NEGR1: variants seen among roughly 807,000 people sequenced by gnomAD.
NEGR1 encodes the protein IgLON family member 4.
NEGR1 carries 10 observed loss-of-function variants against 40.9 expected under a neutral mutation model. The observed-to-expected ratio is 0.24, with a 90% CI of 0.15 to 0.42. The LOEUF (loss-of-function observed/expected upper bound fraction) is 0.42. Among genes scored for constraint, NEGR1 ranks in the 10% least tolerant of loss-of-function variants. The probability of loss-of-function intolerance (pLI) is 1.00; values close to 1 mark genes in which losing one functional copy is unlikely to be tolerated. For missense variants in NEGR1, 352 were observed against 438.9 expected (o/e 0.80, Z 1.77); for synonymous variants, 185 against 166.8 (o/e 1.11, Z -0.84).
At chr1:71,670,901 C>T (rs978596813) in intron 4 of NEGR1, among the ~76,000 whole-genome samples, 28 of 151,384 alleles carry the variant, frequency 1.8e-4, no homozygotes, top group African/African-American at 6.6e-4. Context: ...AACACACACA[C>T]ACACATACAC....
intron 4 of NEGR1, among the ~76,000 whole-genome samples, chr1:71,628,181 C>T (rs976982331): frequency 4.6e-5 from 7 of 151,942 alleles, no homozygotes; most frequent in Admixed American, 1.3e-4. Context: ...ACTCAGTGCT[C>T]GAGGTCAAGG....
intron 4 of NEGR1, among the ~76,000 whole-genome samples, chr1:71,673,758 A>G (rs1652516436): frequency 1.3e-5 from 2 of 151,768 alleles, no homozygotes; most frequent in African/African-American, 4.8e-5. Context: ...TATAGTAATT[A>G]CACAGAGCAG....
chr1:71,906,336 C>A (rs1648263), intron 2 of NEGR1, among the ~76,000 whole-genome samples: 46,507 of 151,708 alleles, frequency 0.31, 7,403 homozygotes, highest in East Asian at 0.61. Flanking sequence ...ATCACCAACT[C>A]AAGAGCTTAT....
chr1:71,767,986 T>G (rs1656190177), intron 3 of NEGR1, among the ~76,000 whole-genome samples: 5 of 152,216 alleles, frequency 3.3e-5, no homozygotes, highest in Admixed American at 3.3e-4. Flanking sequence ...AGCTGAGGCT[T>G]GGAAGCCTCT....
intron 3 of NEGR1, among the ~76,000 whole-genome samples, chr1:71,724,548 T>C (rs879362068): frequency 2.0e-5 from 3 of 152,196 alleles, no homozygotes; most frequent in Non-Finnish European, 4.4e-5. Context: ...TTGTTAGTTT[T>C]ATTTCATTGG....
chr1:71,407,434 G>T lies in NEGR1; in HGVS notation c.*12C>A. 3 of 1,610,462 alleles carry T rather than the reference G, an allele frequency of 1.9e-6. No homozygotes were observed. Among genetic ancestry groups the T allele is most frequent in the South Asian group, 1.1e-5 (1 of 90,790 alleles). On this transcript the variant is annotated 3_prime_UTR_variant, in exon 7 of 7. Coordinates refer to ENST00000357731, the MANE Select transcript of NEGR1 (RefSeq NM_173808.3). Reference sequence around the variant, plus strand: ...CAGAGAATCCTTAAAAGCCTTTTATGGGTCTTTGAATTTATTGTAGAATGG... The same window carrying T: ...CAGAGAATCCTTAAAAGCCTTTTATTGGTCTTTGAATTTATTGTAGAATGG...
chr1:71,957,620 A>C (rs1010531341), intron 1 of NEGR1, among the ~76,000 whole-genome samples: 9 of 152,162 alleles, frequency 5.9e-5, no homozygotes, highest in Admixed American at 1.3e-4. Flanking sequence ...TTGTGAGCAA[A>C]ATATTTCTGA....
chr1:72,184,444 G>T (rs551016327), intron 1 of NEGR1, among the ~76,000 whole-genome samples: 3 of 152,054 alleles, frequency 2.0e-5, no homozygotes, highest in South Asian at 2.1e-4. Flanking sequence ...AAAAAACAAA[G>T]AATAAGCTCC....
chr1:71,820,596 C>T (rs185434395), intron 2 of NEGR1, among the ~76,000 whole-genome samples: 14 of 151,994 alleles, frequency 9.2e-5, no homozygotes, highest in East Asian at 3.9e-4. Flanking sequence ...AATTAAGTTG[C>T]GGTTAGGGTC....
chr1:71,580,026 TATTCA>T (rs1434869275), intron 6 of NEGR1, among the ~76,000 whole-genome samples: 1 of 152,124 alleles, frequency 6.6e-6, no homozygotes, highest in Non-Finnish European at 1.5e-5. Context: ...ATTGCGGCAT[TATTCA>T]CAATAGCAAA....
intron 1 of NEGR1, among the ~76,000 whole-genome samples, chr1:72,080,538 T>C (rs1647951303): frequency 6.6e-6 from 1 of 152,126 alleles, no homozygotes; most frequent in Non-Finnish European, 1.5e-5. Context: ...ATTTAAATTT[T>C]CTAAAAGTAT....
intron 1 of NEGR1, among the ~76,000 whole-genome samples, chr1:72,251,761 A>G (rs1283875478): frequency 1.3e-5 from 2 of 152,158 alleles, no homozygotes; most frequent in East Asian, 1.9e-4. Context: ...GAACCCACAA[A>G]GGACTGATTG....
At chr1:71,799,277 G>A (rs999913628) in intron 2 of NEGR1, among the ~76,000 whole-genome samples, 2 of 152,098 alleles carry the variant, frequency 1.3e-5, no homozygotes, top group Admixed American at 6.6e-5. Flanking sequence ...TCCCACTTAT[G>A]AGGGAGACCA....
At chr1:71,930,482 T>G (rs1344857349) in intron 2 of NEGR1, among the ~76,000 whole-genome samples, 2 of 152,228 alleles carry the variant, frequency 1.3e-5, no homozygotes, top group African/African-American at 4.8e-5. Context: ...ACCTCACCTC[T>G]GACTGCATCC....
chr1:71,735,987 G>C (rs1356766186), intron 3 of NEGR1, among the ~76,000 whole-genome samples: 1 of 152,010 alleles, frequency 6.6e-6, no homozygotes, highest in Non-Finnish European at 1.5e-5. Context: ...TTAATGTTTA[G>C]ACAAAGAGAA....
intron 6 of NEGR1, chr1:71,484,732 A>G (rs930500891): frequency 1.3e-5 from 2 of 151,730 alleles, no homozygotes; most frequent in Non-Finnish European, 2.9e-5. Flanking sequence ...GGCTGAGCAA[A>G]TGCATATAAG....
intron 1 of NEGR1, among the ~76,000 whole-genome samples, chr1:71,997,721 T>C (rs758187734): frequency 7.2e-5 from 11 of 152,006 alleles, no homozygotes; most frequent in Non-Finnish European, 1.3e-4. Flanking sequence ...TCCAAATTCA[T>C]ATTTTAATAA....
In NEGR1 at chr1:71,497,807, A is replaced by G. The variant is rs184281715; in HGVS notation, c.941-90237T>C. Among the ~76,000 whole-genome samples the G allele has an allele frequency of 1.4e-3, 212 of 152,206 alleles. 1 individual carries two copies. Among genetic ancestry groups the G allele is most frequent in the African/African-American group, 5.0e-3 (209 of 41,558 alleles). ...TATTTCAGGTAAAATAAAACCTAACACTTGTGTTTTCTGATTAGAACTTCC... is the reference window on the plus strand; with the variant it reads ...TATTTCAGGTAAAATAAAACCTAACGCTTGTGTTTTCTGATTAGAACTTCC... On this transcript the variant is annotated intron_variant, in intron 6 of 6. Transcript: ENST00000357731.
At chr1:71,780,276 AGTACTTAT>A (rs1656664849) in intron 2 of NEGR1, among the ~76,000 whole-genome samples, 1 of 152,208 alleles carries the variant, frequency 6.6e-6, no homozygotes, top group Non-Finnish European at 1.5e-5. Flanking sequence ...ATGTACTTTA[AGTACTTAT>A]GACCTAGGGC....
Sources: allele counts gnomAD v4.1 joint callset (sites outside exome capture counted in the v4.1 genomes callset), GRCh38; gene constraint gnomAD v4.1.1; transcripts MANE v1.5; gene names NCBI Gene and HGNC (gene_info 2026-07-23, HGNC 2026-07-21).